Variants in ERC2 observed in about 807,000 individuals in gnomAD.
ERC2 encodes the protein ERC protein 2.
A neutral mutation model predicts 114.8 loss-of-function variants in ERC2; 42 were observed. That is an observed-to-expected ratio of 0.37 (90% CI 0.29 to 0.47). ERC2 has a LOEUF of 0.47. Ranked by LOEUF, ERC2 falls within the 20% of genes least tolerant of loss-of-function variation. ERC2 has a pLI of 0.99. For missense variants in ERC2, 939 were observed against 1,150.7 expected, an observed-to-expected ratio of 0.82 and a Z score of 2.66; for synonymous variants, 454 against 425.5, an observed-to-expected ratio of 1.07 and a Z score of -0.82.
At chr3:56,406,983 G>A (rs2060753258) in intron 2 of ERC2, among the ~76,000 whole-genome samples, 4 of 152,094 alleles carry the variant, frequency 2.6e-5, no homozygotes, top group African/African-American at 9.7e-5. Context: ...GTGGATTCTT[G>A]AACTTAATAA....
intron 16 of ERC2, among the ~76,000 whole-genome samples, chr3:55,692,094 T>G (rs1443207923): frequency 6.6e-6 from 1 of 152,194 alleles, no homozygotes; most frequent in African/African-American, 2.4e-5. Flanking sequence ...ATTCATCTTC[T>G]GGGGGCAACA....
At chr3:55,519,626 CT>C (rs1330081891) in intron 17 of ERC2, among the ~76,000 whole-genome samples, 2 of 152,204 alleles carry the variant, frequency 1.3e-5, no homozygotes, top group African/African-American at 4.8e-5. Context: ...GGCTCCCAAA[CT>C]TCCTTATATT....
intron 17 of ERC2, among the ~76,000 whole-genome samples, chr3:55,596,675 G>T (rs181117290): frequency 7.9e-5 from 12 of 152,210 alleles, no homozygotes; most frequent in African/African-American, 2.9e-4. Context: ...AAAAATAAAA[G>T]GTTGGAAGAA....
chr3:56,188,761 G>T (rs2083795947), intron 3 of ERC2, among the ~76,000 whole-genome samples: 1 of 152,192 alleles, frequency 6.6e-6, no homozygotes, highest in African/African-American at 2.4e-5. Flanking sequence ...TCACATCCTT[G>T]ATGGGGGTCA....
At chr3:55,660,463 G>A (rs1369837210) in intron 17 of ERC2, among the ~76,000 whole-genome samples, 2 of 152,090 alleles carry the variant, frequency 1.3e-5, no homozygotes, top group South Asian at 2.1e-4. Context: ...TGCAGAACCT[G>A]GGGGGTGGGG....
At chr3:56,365,461 A>C (rs180773856) in intron 2 of ERC2, among the ~76,000 whole-genome samples, 1 of 152,356 alleles carries the variant, frequency 6.6e-6, no homozygotes, top group East Asian at 1.9e-4. Context: ...ACAATGACAA[A>C]ATCAGCTAAC....
intron 14 of ERC2, among the ~76,000 whole-genome samples, chr3:55,831,798 G>A (rs1168497165): frequency 3.9e-5 from 6 of 152,180 alleles, no homozygotes; most frequent in East Asian, 1.9e-4. Context: ...GAAGCAGGGC[G>A]AGGCATTGCC....
chr3:56,133,385 C>T (rs1021873607), intron 6 of ERC2, among the ~76,000 whole-genome samples: 5 of 151,742 alleles, frequency 3.3e-5, no homozygotes, highest in Non-Finnish European at 7.4e-5. Context: ...TGCAGTGAGC[C>T]GAGATCATGC....
chr3:56,273,277 T>C (rs2053779614), intron 3 of ERC2, among the ~76,000 whole-genome samples: 1 of 149,358 alleles, frequency 6.7e-6, no homozygotes, highest in Non-Finnish European at 1.5e-5. Context: ...TTTTTTTTTT[T>C]TGGTGACAGG....
chr3:56,040,942 T>C (rs1467899761), intron 7 of ERC2, among the ~76,000 whole-genome samples: 1 of 151,866 alleles, frequency 6.6e-6, no homozygotes, highest in Non-Finnish European at 1.5e-5. Flanking sequence ...TCATTTCCAC[T>C]CTACCGTTGA....
intron 13 of ERC2, among the ~76,000 whole-genome samples, chr3:55,896,286 G>A (rs961157527): frequency 6.6e-6 from 1 of 152,252 alleles, no homozygotes; most frequent in Non-Finnish European, 1.5e-5. Flanking sequence ...GTGCAAAAGA[G>A]TAAAACAGCA....
intron 14 of ERC2, among the ~76,000 whole-genome samples, chr3:55,821,476 A>G (rs1312564470): frequency 6.6e-6 from 1 of 152,170 alleles, no homozygotes; most frequent in African/African-American, 2.4e-5. Context: ...CCTATATTTT[A>G]TCATTTTTAT....
At chr3:56,318,369 G>A (rs911704403) in intron 2 of ERC2, among the ~76,000 whole-genome samples, 1 of 151,930 alleles carries the variant, frequency 6.6e-6, no homozygotes, top group African/African-American at 2.4e-5. Context: ...TAGAGATGGG[G>A]TTTCACCATG....
chr3:55,863,730 A>G (rs1331118532), intron 14 of ERC2, among the ~76,000 whole-genome samples: 1 of 152,154 alleles, frequency 6.6e-6, no homozygotes, highest in African/African-American at 2.4e-5. Context: ...GAAACAGGTG[A>G]AATTAATATT....
intron 6 of ERC2, among the ~76,000 whole-genome samples, chr3:56,084,461 C>T (rs1006132911): frequency 1.3e-5 from 2 of 152,008 alleles, no homozygotes; most frequent in African/African-American, 4.8e-5. Context: ...AACCTATGTG[C>T]CTGTCAAAGA....
intron 7 of ERC2, among the ~76,000 whole-genome samples, chr3:56,028,989 C>T (rs1356881604): frequency 6.6e-6 from 1 of 152,058 alleles, no homozygotes; most frequent in African/African-American, 2.4e-5. Flanking sequence ...CTGCTCCTAA[C>T]TTACTAAGAG....
At chr3:56,287,969 T>G (rs755356356) in intron 3 of ERC2, among the ~76,000 whole-genome samples, 1 of 152,204 alleles carries the variant, frequency 6.6e-6, no homozygotes, top group Non-Finnish European at 1.5e-5. Flanking sequence ...ACTGCTTAAT[T>G]TCTCTGAGTC....
At chr3:55,845,440 C>G (rs1019057140) in intron 14 of ERC2, among the ~76,000 whole-genome samples, 26 of 135,234 alleles carry the variant, frequency 1.9e-4, no homozygotes, top group African/African-American at 7.1e-4. Context: ...GGAGGCGGAG[C>G]TTGCAGTGAG....
At chr3:56,031,082 G>A (rs772908761) in intron 7 of ERC2, among the ~76,000 whole-genome samples, 1 of 152,142 alleles carries the variant, frequency 6.6e-6, no homozygotes, top group African/African-American at 2.4e-5. Context: ...GTGAGGATCA[G>A]CACTAGGCTG....
Sources: gnomAD v4.1 joint callset for allele counts (sites outside exome capture counted in the v4.1 genomes callset) on GRCh38, gnomAD v4.1.1 for gene constraint, MANE v1.5 for transcripts, NCBI Gene and HGNC (gene_info 2026-07-23, HGNC 2026-07-21) for gene names.